The following ZC3H15 variants were observed in gnomAD, a reference collection of about 807,000 sequenced individuals.
The protein encoded by ZC3H15 is zinc finger CCCH domain-containing protein 15.
Under a neutral mutation model 51.2 loss-of-function variants are expected in ZC3H15, and 15 were observed. That is an observed-to-expected ratio of 0.29 (90% CI 0.20 to 0.45). The LOEUF (loss-of-function observed/expected upper bound fraction) is 0.45, where lower values mean the gene tolerates loss of function less well. Ranked by LOEUF, ZC3H15 falls within the 20% of genes least tolerant of loss-of-function variation. ZC3H15 has a pLI of 1.00. For missense variants in ZC3H15, 381 were observed against 494.7 expected (o/e 0.77, Z 2.18); for synonymous variants, 144 against 162.8 (o/e 0.88, Z 0.88).
rs1363380556 is a variant in ZC3H15 at position 186,504,119 on chromosome 2, C to T, written c.622C>T (p.Arg208Cys). 3 of 1,607,982 alleles carry T rather than the reference C, an allele frequency of 1.9e-6. No individual in the cohort carries two copies. The highest frequency in any genetic ancestry group is 1.3e-5 in the African/African-American group (1 of 74,620). Residue 208 changes from arginine (R) to cysteine (C), a missense_variant, in exon 6 of 10, where the codon CGT becomes TGT. By Grantham distance (180) the Arg-to-Cys change is radical. Around this residue, in one of 3 missense-constraint regions of ZC3H15, gnomAD observed 41 missense variants for 86.5 expected, o/e 0.47. Coordinates refer to ENST00000337859, the MANE Select transcript of ZC3H15 (RefSeq NM_018471.3). ...TGGAGGGGGTGATATTTGCATGTAT[C>T]GTCATGCACTTCCTCCTGGATTTGT... ...CPGGGDICMYRHALPPGFVLK... is the reference protein window; with the variant it reads ...CPGGGDICMYCHALPPGFVLK...
At chr2:186,497,771 A>G (rs1222118707) in intron 2 of ZC3H15, among the ~76,000 whole-genome samples, 1 of 152,234 alleles carries the variant, frequency 6.6e-6, no homozygotes, top group Admixed American at 6.5e-5. Context: ...TGGGAAAGTT[A>G]TGAAATGTGT....
intron 1 of ZC3H15, among the ~76,000 whole-genome samples, chr2:186,491,107 A>G (rs1008233356): frequency 3.3e-5 from 5 of 152,152 alleles, no homozygotes; most frequent in Non-Finnish European, 5.9e-5. Flanking sequence ...AAGAGGTGCT[A>G]TTGGTATCTC....
intron 9 of ZC3H15, chr2:186,507,515 GC>G (rs1685487505): frequency 6.6e-6 from 3 of 456,098 alleles, no homozygotes; most frequent in East Asian, 6.9e-5. Context: ...AGTTATAGAA[GC>G]AATACATGAA....
intron 1 of ZC3H15, among the ~76,000 whole-genome samples, chr2:186,491,751 CAT>C (rs1685203543): frequency 6.6e-6 from 1 of 151,990 alleles, no homozygotes; most frequent in African/African-American, 2.4e-5. Flanking sequence ...TTCTGTGTAT[CAT>C]AGAATTGTTG....
At chr2:186,507,471 T>A (rs1398489520) in intron 9 of ZC3H15, 1 of 456,644 alleles carries the variant, frequency 2.2e-6, no homozygotes, top group Non-Finnish European at 4.4e-6. Context: ...AGGAAGAGGA[T>A]CTGGTAAGGA....
chr2:186,489,377 A>T (rs1574421027), intron 1 of ZC3H15, among the ~76,000 whole-genome samples: 1 of 152,110 alleles, frequency 6.6e-6, no homozygotes, highest in Non-Finnish European at 1.5e-5. Flanking sequence ...CTTTTTTTTT[A>T]AACTTCCCTA....
intron 2 of ZC3H15, chr2:186,499,631 A>G: frequency 2.2e-6 from 1 of 452,010 alleles, no homozygotes; most frequent in Non-Finnish European, 4.4e-6. Context: ...CCTGACGTAT[A>G]AATGTTTGGA....
At chr2:186,502,405 G>A in intron 4 of ZC3H15, 91 bp from the exon 5 acceptor site, 1 of 1,101,856 alleles carries the variant, frequency 9.1e-7, no homozygotes, top group Non-Finnish European at 1.3e-6. Flanking sequence ...TAAGCCATGA[G>A]TCTTATAACA....
At chr2:186,503,594 T>C (rs1050463676) in intron 5 of ZC3H15, among the ~76,000 whole-genome samples, 2 of 152,166 alleles carry the variant, frequency 1.3e-5, no homozygotes, top group South Asian at 4.1e-4. Flanking sequence ...GCCAGGCTGG[T>C]CTTGAACTCC....
chr2:186,491,127 G>T (rs941599391), intron 1 of ZC3H15, among the ~76,000 whole-genome samples: 1 of 152,196 alleles, frequency 6.6e-6, no homozygotes. Context: ...CAGATCTGCA[G>T]TGTGATATTT....
chr2:186,495,385 C>A, intron 2 of ZC3H15, 51 bp downstream of exon 2: 1 of 1,031,324 alleles, frequency 9.7e-7, no homozygotes, highest in Non-Finnish European at 1.3e-6. Context: ...ATTAATATAG[C>A]CTCTGTTTCA....
intron 3 of ZC3H15, 65 bp from the exon 4 acceptor site, chr2:186,501,208 A>G: frequency 6.9e-7 from 1 of 1,447,286 alleles, no homozygotes; most frequent in South Asian, 1.7e-5. Flanking sequence ...ATCATATTTC[A>G]GGTAGAATCT....
At chr2:186,486,839 G>A (rs963529839) in intron 1 of ZC3H15, 4 of 209,030 alleles carry the variant, frequency 1.9e-5, no homozygotes, top group Non-Finnish European at 3.8e-5. Context: ...CTTTCTGGAA[G>A]ACCGACTCAT....
intron 2 of ZC3H15, among the ~76,000 whole-genome samples, chr2:186,498,531 A>G (rs188633740): frequency 6.6e-6 from 1 of 152,338 alleles, no homozygotes; most frequent in Admixed American, 6.5e-5. Flanking sequence ...TCTATTAAAA[A>G]TTAAGCGACT....
At chr2:186,498,481 C>T (rs955715286) in intron 2 of ZC3H15, among the ~76,000 whole-genome samples, 27 of 152,084 alleles carry the variant, frequency 1.8e-4, no homozygotes, top group Non-Finnish European at 1.5e-5. Flanking sequence ...AAACATTGCC[C>T]CACAAATGTT....
At position 186,504,086 on chromosome 2, in the gene ZC3H15, G is replaced by C; in HGVS notation, c.589G>C (p.Val197Leu). The C allele has an allele frequency of 6.2e-7, 1 of 1,607,562 alleles. No individual in the cohort carries two copies. The highest frequency in any genetic ancestry group is 8.5e-7 in the Non-Finnish European group (1 of 1,176,858). ...AAACAACAAGTATGGCTGGTTTTGG[G>C]TATGCCCTGGAGGGGGTGATATTTG... The part of the protein sequence containing the change: ...IENNKYGWFW[V>L]CPGGGDICMY... Residue 197 changes from valine to leucine, a missense_variant, in exon 6 of 10, where the codon GTA (valine) becomes CTA (leucine). By Grantham distance (32) the Val-to-Leu change is conservative. Coordinates refer to ENST00000337859, the MANE Select transcript of ZC3H15 (RefSeq NM_018471.3).
chr2:186,498,808 G>A (rs1376114694), intron 2 of ZC3H15, among the ~76,000 whole-genome samples: 2 of 151,802 alleles, frequency 1.3e-5, no homozygotes, highest in Non-Finnish European at 2.9e-5. Context: ...ACTTTTTTAT[G>A]CTCTCCTTAA....
chr2:186,501,595 T>C (rs527484131), intron 4 of ZC3H15, among the ~76,000 whole-genome samples, 170 bp downstream of exon 4: 1 of 152,366 alleles, frequency 6.6e-6, no homozygotes, highest in Admixed American at 6.5e-5. Flanking sequence ...TAATATGCCC[T>C]TTAAGTAAAT....
intron 2 of ZC3H15, chr2:186,497,011 A>G (rs927307015): frequency 9.0e-6 from 3 of 332,714 alleles, no homozygotes; most frequent in African/African-American, 2.3e-5. Context: ...TTTCATACGA[A>G]TTTTAAAATG....
Sources: allele counts gnomAD v4.1 joint callset (sites outside exome capture counted in the v4.1 genomes callset), GRCh38; gene constraint gnomAD v4.1.1; regional missense constraint gnomAD v4.1.1; transcripts MANE v1.5; gene names NCBI Gene and HGNC (gene_info 2026-07-23, HGNC 2026-07-21).